CCSER1: variants seen among roughly 807,000 people sequenced by gnomAD.
CCSER1 encodes the protein coiled-coil serine rich protein 1, also known as serine-rich coiled-coil domain-containing protein 1.
In CCSER1, 41 loss-of-function variants were observed where a neutral mutation model predicts 82.0. The observed-to-expected ratio is 0.50, with a 90% CI of 0.39 to 0.65. The LOEUF is 0.65. CCSER1 is among the 30% of genes least tolerant of loss of function. The probability of loss-of-function intolerance (pLI) is 0.00; values close to 1 mark genes in which losing one functional copy is unlikely to be tolerated. For synonymous variants in CCSER1, 414 were observed against 383.9 expected, an observed-to-expected ratio of 1.08 and a Z score of -0.92; for missense variants, 1,119 against 1,064.2, an observed-to-expected ratio of 1.05 and a Z score of -0.72.
intron 3 of CCSER1, among the ~76,000 whole-genome samples, chr4:90,375,777 C>T (rs1327063142): frequency 6.6e-6 from 1 of 152,188 alleles, no homozygotes; most frequent in Non-Finnish European, 1.5e-5. Flanking sequence ...TGTCTCCAGT[C>T]ATTTTGTAGA....
chr4:91,482,141 G>A (rs914465200), intron 10 of CCSER1, among the ~76,000 whole-genome samples: 19 of 151,528 alleles, frequency 1.3e-4, no homozygotes, highest in Admixed American at 1.1e-3. Context: ...GGTGGCTCAC[G>A]CCTGTAATCC....
chr4:91,330,262 T>A (rs541287552), intron 10 of CCSER1, among the ~76,000 whole-genome samples: 1 of 152,266 alleles, frequency 6.6e-6, no homozygotes, highest in Admixed American at 6.5e-5. Context: ...TGGTTATTGA[T>A]GCTTAGGAGG....
chr4:91,306,223 ACTTC>A (rs939583455), intron 10 of CCSER1, among the ~76,000 whole-genome samples: 56 of 151,972 alleles, frequency 3.7e-4, no homozygotes, highest in Admixed American at 2.2e-3. Context: ...CTACATTAAT[ACTTC>A]CTTCCAGAGT....
chr4:90,577,089 T>C (rs1415005529), intron 5 of CCSER1, among the ~76,000 whole-genome samples: 1 of 152,164 alleles, frequency 6.6e-6, no homozygotes, highest in African/African-American at 2.4e-5. Flanking sequence ...CCTAGTGGTA[T>C]CTCATTTTAA....
At chr4:91,142,281 A>T (rs934302401) in intron 10 of CCSER1, among the ~76,000 whole-genome samples, 2 of 152,116 alleles carry the variant, frequency 1.3e-5, no homozygotes, top group South Asian at 2.1e-4. Context: ...ACCATGTAAG[A>T]TGTGCCTTTG....
intron 6 of CCSER1, among the ~76,000 whole-genome samples, chr4:90,646,957 C>G (rs536836159): frequency 5.9e-5 from 9 of 152,026 alleles, no homozygotes; most frequent in African/African-American, 1.2e-4. Flanking sequence ...CCCTCATCCC[C>G]CCACCCCAAC....
chr4:91,382,141 C>T (rs1024521519), intron 10 of CCSER1, among the ~76,000 whole-genome samples: 2 of 152,208 alleles, frequency 1.3e-5, no homozygotes, highest in African/African-American at 4.8e-5. Context: ...GTGTACCCAG[C>T]TGTGTTCGGT....
At chr4:90,271,863 T>TATATATATATATATATATATATATATA (rs61116868) in intron 1 of CCSER1, among the ~76,000 whole-genome samples, 1 of 19,794 alleles carries the variant, frequency 5.1e-5, no homozygotes, top group African/African-American at 3.1e-4. Context: ...TATATATATA[T>TATATATATATATATATATATATATATA]TTTTTTTTTT....
chr4:90,816,654 A>G lies in CCSER1; in HGVS notation c.2094+809A>G, dbSNP rs148082033. 3.9e-3 allele frequency among the ~76,000 whole-genome samples: 590 copies of G among 152,250 alleles called. 4 individuals carry two copies. Among genetic ancestry groups the G allele is most frequent in the African/African-American group, 0.013 (557 of 41,576 alleles). ...ACACTAATAATAGATTAAAGAAATAACCATGCAATAAGAGAGACCCTGACT... is the reference window on the plus strand; with the variant it reads ...ACACTAATAATAGATTAAAGAAATAGCCATGCAATAAGAGAGACCCTGACT... On this transcript the variant is annotated intron_variant, in intron 8 of 10. Transcript: ENST00000509176.
chr4:90,242,551 G>A (rs1393011005), intron 1 of CCSER1, among the ~76,000 whole-genome samples: 1 of 152,110 alleles, frequency 6.6e-6, no homozygotes, highest in African/African-American at 2.4e-5. Flanking sequence ...ATAAAATGAT[G>A]GACAAGAACA....
At chr4:90,633,098 C>A (rs1579601461) in intron 6 of CCSER1, among the ~76,000 whole-genome samples, 1 of 152,160 alleles carries the variant, frequency 6.6e-6, no homozygotes, top group East Asian at 1.9e-4. Context: ...TTCTAAGATG[C>A]AGGAAAATGA....
At chr4:90,209,908 A>G (rs1280053032) in intron 1 of CCSER1, among the ~76,000 whole-genome samples, 1 of 151,114 alleles carries the variant, frequency 6.6e-6, no homozygotes, top group Non-Finnish European at 1.5e-5. Context: ...GCATCCCCTT[A>G]TATGTTTTGT....
At chr4:91,179,939 T>G (rs999127784) in intron 10 of CCSER1, among the ~76,000 whole-genome samples, 9 of 152,222 alleles carry the variant, frequency 5.9e-5, no homozygotes, top group Non-Finnish European at 1.2e-4. Flanking sequence ...ATCTTTTTGG[T>G]TTTATCTACC....
At chr4:91,549,419 A>AT (rs372647327) in intron 10 of CCSER1, among the ~76,000 whole-genome samples, 1 of 151,920 alleles carries the variant, frequency 6.6e-6, no homozygotes, top group Non-Finnish European at 1.5e-5. Flanking sequence ...GTGCTTTGTA[A>AT]TTTTTTTGTT....
chr4:90,476,228 C>T (rs531282260), intron 5 of CCSER1, among the ~76,000 whole-genome samples: 98 of 152,258 alleles, frequency 6.4e-4, no homozygotes, highest in African/African-American at 2.2e-3. Flanking sequence ...CCAGCTGCTC[C>T]GCCTTACATA....
intron 9 of CCSER1, among the ~76,000 whole-genome samples, chr4:91,058,211 A>G (rs188708307): frequency 6.6e-5 from 10 of 151,888 alleles, no homozygotes; most frequent in Middle Eastern, 3.4e-3. Context: ...TTTTGCCTCT[A>G]TGTGTCCATG....
chr4:90,927,885 C>A (rs1030225054), intron 9 of CCSER1, among the ~76,000 whole-genome samples: 1 of 151,906 alleles, frequency 6.6e-6, no homozygotes, highest in African/African-American at 2.4e-5. Context: ...GTTTTTTGTG[C>A]TTGTGCTAAT....
At chr4:91,023,699 A>G (rs2150534179) in intron 9 of CCSER1, among the ~76,000 whole-genome samples, 1 of 152,322 alleles carries the variant, frequency 6.6e-6, no homozygotes, top group South Asian at 2.1e-4. Flanking sequence ...TAAAACCATA[A>G]AAACCCTAGA....
chr4:90,158,512 G>T (rs1311342755), intron 1 of CCSER1, among the ~76,000 whole-genome samples: 1 of 152,192 alleles, frequency 6.6e-6, no homozygotes, highest in African/African-American at 2.4e-5. Flanking sequence ...AGGCCTCCTT[G>T]AGCTGTGGTG....
Sources: allele counts gnomAD v4.1 joint callset (sites outside exome capture counted in the v4.1 genomes callset), GRCh38; gene constraint gnomAD v4.1.1; transcripts MANE v1.5; gene names NCBI Gene and HGNC (gene_info 2026-07-23, HGNC 2026-07-21).